Variants in SPAG16 observed in about 807,000 individuals in gnomAD.
SPAG16 encodes sperm-associated antigen 16 protein.
SPAG16 carries 86 observed loss-of-function variants against 80.4 expected under a neutral mutation model. The ratio of observed to expected loss-of-function variants is 1.07; its 90% confidence interval spans 0.90 to 1.28. The LOEUF is 1.28. Among genes scored for constraint, SPAG16 ranks in the 50% most tolerant of loss-of-function variants. SPAG16 has a pLI of 0.00. For missense variants in SPAG16, 870 were observed against 765.3 expected, an observed-to-expected ratio of 1.14 and a Z score of -1.61; for synonymous variants, 294 against 265.9, an observed-to-expected ratio of 1.11 and a Z score of -1.03.
At chr2:213,445,382 C>T (rs961115144) in intron 9 of SPAG16, among the ~76,000 whole-genome samples, 1 of 152,178 alleles carries the variant, frequency 6.6e-6, no homozygotes, top group Non-Finnish European at 1.5e-5. Flanking sequence ...ACAGATATAG[C>T]TGGGCGTGGC....
chr2:214,025,608 A>T (rs1162964243), intron 13 of SPAG16, among the ~76,000 whole-genome samples: 1 of 151,662 alleles, frequency 6.6e-6, no homozygotes, highest in African/African-American at 2.4e-5. Context: ...TGTTTCCGGC[A>T]TTCTGCTGTG....
intron 14 of SPAG16, among the ~76,000 whole-genome samples, chr2:214,133,480 G>A (rs1208455507): frequency 3.3e-5 from 5 of 151,898 alleles, no homozygotes; most frequent in Non-Finnish European, 5.9e-5. Flanking sequence ...CCAACGTGAC[G>A]AAAATTCTCT....
At chr2:214,268,609 G>A (rs549473081) in intron 15 of SPAG16, among the ~76,000 whole-genome samples, 9 of 151,740 alleles carry the variant, frequency 5.9e-5, no homozygotes, top group East Asian at 5.8e-4. Flanking sequence ...TTTATCTTTC[G>A]GGGCTGAAAG....
rs143549958 is a variant in SPAG16 at position 213,346,669 on chromosome 2, T to C, written c.645-3859T>C. The stretch of plus-strand genomic sequence containing the variant: ...TTTTTTGTCATTGGCTCTGTTTATA[T>C]GCTGGATTATGTTTATTGATTTGCA... On this transcript the variant is annotated intron_variant, in intron 6 of 15. Coordinates refer to ENST00000331683, the MANE Select transcript of SPAG16 (RefSeq NM_024532.5). 3.9e-3 allele frequency among the ~76,000 whole-genome samples: 587 copies of C among 152,372 alleles called. 6 individuals are homozygous for C. Among genetic ancestry groups the C allele is most frequent in the African/African-American group, 0.013 (549 of 41,584 alleles).
chr2:214,015,870 A>G (rs2047567782), intron 13 of SPAG16, among the ~76,000 whole-genome samples: 1 of 152,156 alleles, frequency 6.6e-6, no homozygotes, highest in South Asian at 2.1e-4. Context: ...AGAGTCAGTC[A>G]TGTGAGGAAT....
chr2:213,379,911 G>C (rs2067080200), intron 9 of SPAG16, among the ~76,000 whole-genome samples: 1 of 152,170 alleles, frequency 6.6e-6, no homozygotes, highest in South Asian at 2.1e-4. Context: ...GAAAGAGGCT[G>C]AGTGGTGTCC....
At chr2:213,718,663 C>T (rs1033345755) in intron 10 of SPAG16, among the ~76,000 whole-genome samples, 1 of 152,134 alleles carries the variant, frequency 6.6e-6, no homozygotes, top group Non-Finnish European at 1.5e-5. Flanking sequence ...TGTACTGAGT[C>T]CCCCAGCAGT....
intron 12 of SPAG16, among the ~76,000 whole-genome samples, chr2:213,968,637 T>G (rs900195109): frequency 6.6e-5 from 10 of 152,240 alleles, no homozygotes; most frequent in Admixed American, 5.9e-4. Flanking sequence ...TTCTTTTCTC[T>G]TAGTGAGACA....
At chr2:214,323,610 G>A (rs1190625295) in intron 15 of SPAG16, among the ~76,000 whole-genome samples, 2 of 152,116 alleles carry the variant, frequency 1.3e-5, no homozygotes, top group African/African-American at 2.4e-5. Context: ...GAACTGCAGC[G>A]AGTTGGACTT....
chr2:213,642,293 T>G (rs2062622102), intron 10 of SPAG16, among the ~76,000 whole-genome samples: 2 of 152,220 alleles, frequency 1.3e-5, no homozygotes, highest in Non-Finnish European at 2.9e-5. Context: ...GTTCACAATG[T>G]GAATCTCCAC....
At chr2:214,190,107 T>C (rs751164329) in intron 15 of SPAG16, among the ~76,000 whole-genome samples, 70 of 152,212 alleles carry the variant, frequency 4.6e-4, no homozygotes, top group Middle Eastern at 6.8e-3. Flanking sequence ...TAGACATATG[T>C]AGCCACACAC....
At chr2:214,318,279 A>G (rs1695830185) in intron 15 of SPAG16, among the ~76,000 whole-genome samples, 1 of 152,142 alleles carries the variant, frequency 6.6e-6, no homozygotes, top group Non-Finnish European at 1.5e-5. Context: ...ATGTTAGAGA[A>G]CAAGACTTTT....
intron 11 of SPAG16, among the ~76,000 whole-genome samples, chr2:213,912,257 A>C (rs1452239347): frequency 2.0e-5 from 3 of 152,208 alleles, no homozygotes; most frequent in Non-Finnish European, 2.9e-5. Context: ...ATACATTTAT[A>C]AATGTTATGA....
At chr2:214,282,177 C>T (rs76115634) in intron 15 of SPAG16, among the ~76,000 whole-genome samples, 2,092 of 152,084 alleles carry the variant, frequency 0.014, 45 homozygotes, top group African/African-American at 0.047. Flanking sequence ...TATACTTTAA[C>T]GCTGTTAAAA....
chr2:214,093,791 C>T (rs11688016), intron 13 of SPAG16, among the ~76,000 whole-genome samples: 63,170 of 151,844 alleles, frequency 0.42, 13,801 homozygotes, highest in Middle Eastern at 0.47. Context: ...ATTAACTCTG[C>T]GATTGTAATA....
chr2:213,573,104 G>A (rs2059982041), intron 10 of SPAG16, among the ~76,000 whole-genome samples: 1 of 152,108 alleles, frequency 6.6e-6, no homozygotes, highest in Non-Finnish European at 1.5e-5. Context: ...GCTCACGCAC[G>A]GTGCGCGCAC....
At chr2:213,728,029 A>G (rs751234070) in intron 10 of SPAG16, among the ~76,000 whole-genome samples, 8 of 151,990 alleles carry the variant, frequency 5.3e-5, no homozygotes, top group Non-Finnish European at 1.0e-4. Flanking sequence ...TTGTATTTTT[A>G]GTGGAGACGA....
intron 10 of SPAG16, among the ~76,000 whole-genome samples, chr2:213,516,560 A>G (rs933264866): frequency 2.6e-5 from 4 of 152,148 alleles, no homozygotes; most frequent in African/African-American, 9.7e-5. Flanking sequence ...TCATTCCAGA[A>G]TATCTATTTA....
At chr2:213,648,765 C>G (rs1043136686) in intron 10 of SPAG16, among the ~76,000 whole-genome samples, 1 of 152,126 alleles carries the variant, frequency 6.6e-6, no homozygotes, top group Non-Finnish European at 1.5e-5. Context: ...ATATCCTCCT[C>G]CATCAACTCA....
Sources: gnomAD v4.1 joint callset for allele counts (sites outside exome capture counted in the v4.1 genomes callset) on GRCh38, gnomAD v4.1.1 for gene constraint, MANE v1.5 for transcripts, NCBI Gene and HGNC (gene_info 2026-07-23, HGNC 2026-07-21) for gene names.